KIAA1217: variants seen among roughly 807,000 people sequenced by gnomAD.
KIAA1217 encodes the protein KIAA1217.
In KIAA1217, 88 loss-of-function variants were observed where a neutral mutation model predicts 163.9. The ratio of observed to expected loss-of-function variants is 0.54; its 90% confidence interval spans 0.45 to 0.64. The LOEUF (loss-of-function observed/expected upper bound fraction) is 0.64, where lower values mean the gene tolerates loss of function less well. Among genes scored for constraint, KIAA1217 ranks in the 30% least tolerant of loss-of-function variants. The pLI is 0.00. For missense variants in KIAA1217, 2,372 were observed against 2,475.0 expected, an observed-to-expected ratio of 0.96 and a Z score of 0.88; for synonymous variants, 903 against 923.1, an observed-to-expected ratio of 0.98 and a Z score of 0.39.
intron 1 of KIAA1217, among the ~76,000 whole-genome samples, chr10:23,898,896 T>C (rs553215877): frequency 3.9e-5 from 6 of 152,232 alleles, no homozygotes; most frequent in African/African-American, 1.4e-4. Context: ...CTATGTTATA[T>C]CATGTCAGAA....
chr10:23,862,240 C>T (rs1005058091), intron 1 of KIAA1217, among the ~76,000 whole-genome samples: 5 of 151,918 alleles, frequency 3.3e-5, no homozygotes, highest in Non-Finnish European at 7.4e-5. Context: ...TGTGATTTTG[C>T]CCCAGTATTA....
intron 2 of KIAA1217, among the ~76,000 whole-genome samples, chr10:24,008,228 C>T (rs1270699202): frequency 6.6e-6 from 1 of 151,760 alleles, no homozygotes; most frequent in Non-Finnish European, 1.5e-5. Context: ...GTCTCAATAC[C>T]GTCTTCATTC....
At chr10:23,913,197 A>T (rs1842506407) in intron 1 of KIAA1217, among the ~76,000 whole-genome samples, 1 of 152,098 alleles carries the variant, frequency 6.6e-6, no homozygotes, top group Admixed American at 6.5e-5. Flanking sequence ...GAATTCCCCC[A>T]GGGGCTGCAT....
At chr10:24,087,341 G>A (rs1014974739) in intron 2 of KIAA1217, among the ~76,000 whole-genome samples, 2 of 152,132 alleles carry the variant, frequency 1.3e-5, no homozygotes, top group African/African-American at 4.8e-5. Context: ...TAAAGTGAGG[G>A]TTCATGAAAA....
At chr10:24,330,268 C>A (rs1221213080) in intron 2 of KIAA1217, among the ~76,000 whole-genome samples, 1 of 150,050 alleles carries the variant, frequency 6.7e-6, no homozygotes, top group East Asian at 2.0e-4. Context: ...CCACTGCACT[C>A]CAGCCTAGGT....
intron 1 of KIAA1217, among the ~76,000 whole-genome samples, chr10:23,718,092 A>G (rs1489311934): frequency 6.6e-6 from 1 of 152,214 alleles, no homozygotes; most frequent in Non-Finnish European, 1.5e-5. Flanking sequence ...GTAGGTGTGG[A>G]ATCTATTAAG....
chr10:24,538,566 GAGGA>G (rs1220062160), intron 17 of KIAA1217, among the ~76,000 whole-genome samples: 1,234 of 83,856 alleles, frequency 0.015, 12 homozygotes, highest in Non-Finnish European at 0.016. Flanking sequence ...GGGAGGGAGG[GAGGA>G]AGGAAGGAAG....
chr10:24,336,522 C>T (rs913551210), intron 2 of KIAA1217, among the ~76,000 whole-genome samples: 2 of 152,174 alleles, frequency 1.3e-5, no homozygotes, highest in African/African-American at 4.8e-5. Context: ...GTGTGGATGT[C>T]TGTGTGTGTC....
intron 2 of KIAA1217, among the ~76,000 whole-genome samples, chr10:24,228,627 C>T (rs961106039): frequency 3.9e-5 from 6 of 152,060 alleles, no homozygotes; most frequent in African/African-American, 7.2e-5. Context: ...GTTGTATACA[C>T]GCTCTTAAAT....
chr10:24,079,386 GTT>G (rs1427231376), intron 2 of KIAA1217, among the ~76,000 whole-genome samples: 1 of 152,196 alleles, frequency 6.6e-6, no homozygotes, highest in Non-Finnish European at 1.5e-5. Flanking sequence ...GAGCACCAGA[GTT>G]AGGGTTAGGT....
At chr10:24,357,520 T>G (rs1373238253) in intron 2 of KIAA1217, among the ~76,000 whole-genome samples, 2 of 152,062 alleles carry the variant, frequency 1.3e-5, no homozygotes, top group African/African-American at 4.8e-5. Context: ...AAAGCTTAAT[T>G]CCCCTGCAGC....
intron 2 of KIAA1217, among the ~76,000 whole-genome samples, chr10:24,336,894 G>A (rs1042102163): frequency 6.6e-5 from 10 of 152,178 alleles, no homozygotes; most frequent in African/African-American, 1.7e-4. Flanking sequence ...ACCTTATGCC[G>A]TATACAAAAA....
chr10:24,520,018 T>C (rs1592614422), intron 10 of KIAA1217, 105 bp from the exon 11 acceptor site: 2 of 1,315,016 alleles, frequency 1.5e-6, no homozygotes, highest in Non-Finnish European at 2.1e-6. Context: ...GGGGAGGAGC[T>C]GGGGCTCTAC....
chr10:23,943,656 T>C (rs12356413), intron 1 of KIAA1217, among the ~76,000 whole-genome samples: 30,484 of 152,114 alleles, frequency 0.2, 3,313 homozygotes, highest in Middle Eastern at 0.27. Context: ...GAATCAAAGG[T>C]CCTAAAATAG....
At chr10:24,532,345 A>G (rs2073248810) in intron 15 of KIAA1217, among the ~76,000 whole-genome samples, 1 of 152,240 alleles carries the variant, frequency 6.6e-6, no homozygotes, top group African/African-American at 2.4e-5. Flanking sequence ...GTGGGAGTCT[A>G]TACAGAAAGA....
In KIAA1217 at chr10:24,542,917, C is replaced by T. The variant is rs59421477; in HGVS notation, c.3647C>T (p.Pro1216Leu). 3.0e-3 allele frequency: 4,901 copies of T among 1,612,522 alleles called. 106 individuals carry two copies. In the East Asian group the frequency reaches 0.053, roughly 17 times the overall value. ...TTGAVRPSDP[P>L]KWERGMENSI... ...GGGGCTGTAAGACCTAGTGACCCTC[C>T]TAAGTGGGAAAGAGGAATGGAGAAT... The change falls in exon 19 of 21, where the codon CCT becomes CTT. Residue 1216 changes from proline (P) to leucine (L), a missense_variant. Pro to Leu is a moderately conservative substitution (Grantham distance 98). Around this residue, in one of 3 missense-constraint regions of KIAA1217, gnomAD observed 251 missense variants for 327.3 expected, o/e 0.77. Coordinates refer to ENST00000376454, the MANE Select transcript of KIAA1217 (RefSeq NM_019590.5).
At position 24,466,708 on chromosome 10, in the gene KIAA1217, A is replaced by T. The variant is rs554775953; in HGVS notation, c.847-6520A>T. 5.7e-5 allele frequency: 56 copies of T among 985,462 alleles called. No homozygotes were observed. The African/African-American group carries it at 9.1e-4, about 16-fold the overall frequency. The allele number at this position is 985,462 out of a possible 1,614,324, so 61.0% of individuals were successfully genotyped here. On this transcript the variant is annotated intron_variant, in intron 5 of 20. Transcript: ENST00000376454. ...AACCAAGGATTTAGATGAAGCCAGC[A>T]AACAAAGGAATCATGTAATCAGGAC...
chr10:23,708,829 A>G (rs1448463307), intron 1 of KIAA1217, among the ~76,000 whole-genome samples: 3 of 152,190 alleles, frequency 2.0e-5, no homozygotes, highest in Admixed American at 6.5e-5. Flanking sequence ...GAATGGATTA[A>G]TGGGGCCAGA....
intron 1 of KIAA1217, among the ~76,000 whole-genome samples, chr10:23,988,934 T>A (rs1846096887): frequency 6.6e-6 from 1 of 152,236 alleles, no homozygotes; most frequent in Non-Finnish European, 1.5e-5. Flanking sequence ...ACACAGAAAT[T>A]CTTGGCAACA....
Sources: gnomAD v4.1 joint callset for allele counts (sites outside exome capture counted in the v4.1 genomes callset) on GRCh38, gnomAD v4.1.1 for gene constraint, gnomAD v4.1.1 regional missense constraint, MANE v1.5 for transcripts, NCBI Gene and HGNC (gene_info 2026-07-23, HGNC 2026-07-21) for gene names.